The following JMJD1C variants were observed in gnomAD, a reference collection of about 807,000 sequenced individuals.
The protein encoded by JMJD1C is jumonji domain-containing protein 1C.
Under a neutral mutation model 245.3 loss-of-function variants are expected in JMJD1C, and 31 were observed. The observed-to-expected ratio is 0.13, with a 90% CI of 0.09 to 0.17. JMJD1C has a LOEUF of 0.17. Ranked by LOEUF, JMJD1C falls within the 10% of genes least tolerant of loss-of-function variation. JMJD1C has a pLI of 1.00. For missense variants in JMJD1C, 2,691 were observed against 3,000.2 expected (o/e 0.90, Z 2.41); for synonymous variants, 1,057 against 1,017.4 (o/e 1.04, Z -0.74).
At chr10:63,171,714 G>C (rs764979336) in intron 24 of JMJD1C, among the ~76,000 whole-genome samples, 16 of 152,276 alleles carry the variant, frequency 1.1e-4, no homozygotes, top group Admixed American at 1.3e-4. Flanking sequence ...AAACTCTGGT[G>C]GTGGGGTACA....
chr10:63,342,698 T>C (rs1322191867), intron 2 of JMJD1C, among the ~76,000 whole-genome samples: 1 of 152,254 alleles, frequency 6.6e-6, no homozygotes, highest in Non-Finnish European at 1.5e-5. Context: ...TTCATATTTT[T>C]ACTGTTCAGT....
chr10:63,202,203 G>C, intron 10 of JMJD1C: 1 of 658,440 alleles, frequency 1.5e-6, no homozygotes, highest in Non-Finnish European at 1.9e-6. Context: ...GCAGTGGGGT[G>C]AGATCGTGCC....
intron 2 of JMJD1C, among the ~76,000 whole-genome samples, chr10:63,375,041 T>C (rs185140060): frequency 6.6e-6 from 1 of 152,296 alleles, no homozygotes; most frequent in African/African-American, 2.4e-5. Flanking sequence ...GACTATAACT[T>C]CAAATACTAT....
intron 1 of JMJD1C, among the ~76,000 whole-genome samples, chr10:63,461,151 C>G (rs976159032): frequency 1.3e-5 from 2 of 152,128 alleles, no homozygotes; most frequent in African/African-American, 4.8e-5. Flanking sequence ...CGTCATTTTC[C>G]TATATTCAAG....
intron 2 of JMJD1C, among the ~76,000 whole-genome samples, chr10:63,370,405 G>T (rs1018114860): frequency 6.6e-6 from 1 of 152,150 alleles, no homozygotes; most frequent in African/African-American, 2.4e-5. Flanking sequence ...TGTCTTGCTT[G>T]ATCTTCACTA....
At chr10:63,339,508 T>A (rs553520786) in intron 2 of JMJD1C, among the ~76,000 whole-genome samples, 27 of 152,260 alleles carry the variant, frequency 1.8e-4, no homozygotes, top group African/African-American at 6.5e-4. Flanking sequence ...TGAGGCCAGG[T>A]GTGCTGGCTC....
At chr10:63,185,412 G>A (rs1844013797) in intron 20 of JMJD1C, 151 bp downstream of exon 20, 15 of 645,562 alleles carry the variant, frequency 2.3e-5, no homozygotes, top group Non-Finnish European at 3.6e-5. Context: ...GATTATAGGC[G>A]TGAGCCACTA....
intron 3 of JMJD1C, among the ~76,000 whole-genome samples, chr10:63,221,553 T>C (rs771221229): frequency 4.6e-5 from 7 of 152,142 alleles, no homozygotes; most frequent in Admixed American, 1.3e-4. Flanking sequence ...GAGAAAGAAA[T>C]GGGCATTAAC....
At chr10:63,411,698 G>T (rs981821834) in intron 1 of JMJD1C, among the ~76,000 whole-genome samples, 49 of 151,264 alleles carry the variant, frequency 3.2e-4, no homozygotes, top group Admixed American at 7.9e-4. Flanking sequence ...CAACTCCTGG[G>T]TTCAAGTGAT....
At chr10:63,189,116 T>C in intron 18 of JMJD1C, 52 bp downstream of exon 18, 1 of 1,479,426 alleles carries the variant, frequency 6.8e-7, no homozygotes, top group Non-Finnish European at 9.1e-7. Context: ...CCATTCTATT[T>C]AATAAGCTTC....
rs373686710 is a variant in JMJD1C at position 63,206,803 on chromosome 10, A to G, written c.4866T>C (p.Tyr1622=). 143 of 1,603,772 alleles carry G rather than the reference A, an allele frequency of 8.9e-5. No homozygotes were observed. The highest frequency in any genetic ancestry group is 5.0e-4 in the Middle Eastern group (3 of 6,026). ...AGTCTCCACTTTCAGAGCCAGATTC[A>G]TAAGTTCTTTTGGCTTTTCTCCTGT... ...KVNRRKAKRT[Y]ESGSESGDSD... is the part of the protein sequence containing the mutation. The change falls in exon 10 of 26, where the codon TAT becomes TAC. Residue 1622 remains tyrosine, a synonymous_variant. Transcript: ENST00000399262.
chr10:63,417,294 T>G (rs1422981697), intron 1 of JMJD1C, among the ~76,000 whole-genome samples: 2 of 152,176 alleles, frequency 1.3e-5, no homozygotes, highest in Non-Finnish European at 2.9e-5. Context: ...TACTACTATA[T>G]TGGGTTTTTA....
chr10:63,240,903 A>T (rs1851397958), intron 3 of JMJD1C, among the ~76,000 whole-genome samples: 1 of 152,206 alleles, frequency 6.6e-6, no homozygotes, highest in Non-Finnish European at 1.5e-5. Flanking sequence ...AAGAACTGGA[A>T]CAAAAAAATA....
rs550917681 is a variant in JMJD1C at position 63,222,646 on chromosome 10, T to C, written c.448-2663A>G. On this transcript the variant is annotated intron_variant, in intron 3 of 25. Coordinates refer to ENST00000399262, the MANE Select transcript of JMJD1C (RefSeq NM_032776.3). ...AATTTTTGGACATAATTAAAAGAAA[T>C]AGAGATCGGTGTGTAGAGGGAGTGG... 8.4e-6 allele frequency: 13 copies of C among 1,552,518 alleles called. No homozygotes were observed. In the Admixed American group the frequency reaches 1.0e-4, roughly 12 times the overall value.
intron 2 of JMJD1C, among the ~76,000 whole-genome samples, chr10:63,274,876 G>A (rs1010030406): frequency 6.6e-6 from 1 of 151,966 alleles, no homozygotes; most frequent in Non-Finnish European, 1.5e-5. Flanking sequence ...ATAAGAGAAC[G>A]GAATACAGTA....
At chr10:63,366,294 T>C (rs1379369225) in intron 2 of JMJD1C, among the ~76,000 whole-genome samples, 1 of 152,182 alleles carries the variant, frequency 6.6e-6, no homozygotes, top group Non-Finnish European at 1.5e-5. Flanking sequence ...TGTCATACAC[T>C]GTGATTGAAA....
chr10:63,356,479 TC>T (rs1944853548), intron 2 of JMJD1C, among the ~76,000 whole-genome samples: 1 of 152,202 alleles, frequency 6.6e-6, no homozygotes, highest in South Asian at 2.1e-4. Context: ...TTCCTTGAAA[TC>T]CCTAGTGGAC....
intron 1 of JMJD1C, among the ~76,000 whole-genome samples, chr10:63,463,547 C>T (rs1952950190): frequency 6.6e-6 from 1 of 151,996 alleles, no homozygotes; most frequent in Admixed American, 6.6e-5. Flanking sequence ...CTAAACTGTT[C>T]CAAGTTTCGT....
chr10:63,273,267 C>T (rs1353910977), intron 2 of JMJD1C, among the ~76,000 whole-genome samples: 2 of 152,220 alleles, frequency 1.3e-5, no homozygotes, highest in African/African-American at 4.8e-5. Flanking sequence ...TATCAGCTCA[C>T]TGCAGCCTCA....
Sources: gnomAD v4.1 joint callset for allele counts (sites outside exome capture counted in the v4.1 genomes callset) on GRCh38, gnomAD v4.1.1 for gene constraint, MANE v1.5 for transcripts, NCBI Gene and HGNC (gene_info 2026-07-23, HGNC 2026-07-21) for gene names.